TEX11: variants seen among roughly 807,000 people sequenced by gnomAD.
TEX11 encodes the protein testis-expressed protein 11.
In TEX11, 7 loss-of-function variants were observed where a neutral mutation model predicts 84.4. The observed-to-expected ratio is 0.08, with a 90% CI of 0.05 to 0.16. The LOEUF (loss-of-function observed/expected upper bound fraction) is 0.16. Ranked by LOEUF, TEX11 falls within the 10% of genes least tolerant of loss-of-function variation. The pLI is 1.00. For missense variants in TEX11, 551 were observed against 660.5 expected, an observed-to-expected ratio of 0.83 and a Z score of 1.82; for synonymous variants, 264 against 222.8, an observed-to-expected ratio of 1.18 and a Z score of -1.64.
chrX:70,607,165 T>G, intron 22 of TEX11, 136 bp from the exon 23 acceptor site: 3 of 439,041 alleles, frequency 6.8e-6, no homozygotes, highest in Non-Finnish European at 7.2e-6. Flanking sequence ...TTTAAACAAT[T>G]AACTTTAGGT....
chrX:70,749,217 CTGTT>C (rs1300766685), intron 9 of TEX11, among the ~76,000 whole-genome samples: 1 of 107,786 alleles, frequency 9.3e-6, no homozygotes, highest in Non-Finnish European at 1.9e-5. Flanking sequence ...ATTTGGCTCT[CTGTT>C]TGTCTGTTGT....
intron 11 of TEX11, among the ~76,000 whole-genome samples, chrX:70,734,030 C>T (rs1335153769): frequency 1.8e-5 from 2 of 110,787 alleles, no homozygotes; most frequent in Admixed American, 1.9e-4. Flanking sequence ...TGGAAACCAT[C>T]ATTCTCAGCA....
chrX:70,750,665 G>A (rs1415517604), intron 9 of TEX11, among the ~76,000 whole-genome samples: 12 of 98,621 alleles, frequency 1.2e-4, no homozygotes, highest in African/African-American at 1.5e-4. Flanking sequence ...GTAAACTATC[G>A]CAAGAACAAA....
intron 13 of TEX11, among the ~76,000 whole-genome samples, chrX:70,687,781 G>C (rs1191614974): frequency 9.1e-6 from 1 of 110,480 alleles, no homozygotes; most frequent in Non-Finnish European, 1.9e-5. Context: ...ATGTGTTTGA[G>C]GCTGCAGTGA....
Position 70,639,101 on chromosome X carries a change from C to T in TEX11, c.1484-9366G>A, listed in dbSNP as rs186702473. ...CAGGGCGAGGCATTGCCTCACTCGG[C>T]GGGGGGAAGCGCAAGGGGTCAGGGA... On this transcript the variant is annotated intron_variant, in intron 17 of 29. Coordinates refer to ENST00000374333, the MANE Select transcript of TEX11 (RefSeq NM_031276.3). Among the ~76,000 whole-genome samples, 710 of 111,539 alleles carry T rather than the reference C, an allele frequency of 6.4e-3. 8 individuals are homozygous for T. Among genetic ancestry groups the T allele is most frequent in the East Asian group, 0.012 (40 of 3,464 alleles).
intron 9 of TEX11, among the ~76,000 whole-genome samples, chrX:70,764,374 G>T (rs1375415745): frequency 9.0e-6 from 1 of 111,239 alleles, no homozygotes; most frequent in Non-Finnish European, 1.9e-5. Flanking sequence ...CATCAAAAAA[G>T]AAGAAAATTT....
intron 17 of TEX11, among the ~76,000 whole-genome samples, chrX:70,637,968 TA>T (rs201547593): frequency 1.1e-4 from 11 of 97,144 alleles, no homozygotes; most frequent in East Asian, 3.1e-4. Context: ...TCTTCCTCAA[TA>T]AAAAAAAAAG....
intron 28 of TEX11, among the ~76,000 whole-genome samples, chrX:70,551,749 C>G (rs922068252): frequency 9.0e-6 from 1 of 111,500 alleles, no homozygotes; most frequent in Non-Finnish European, 1.9e-5. Flanking sequence ...TACAGGTCTT[C>G]AATGTTCCTT....
intron 24 of TEX11, among the ~76,000 whole-genome samples, chrX:70,595,942 G>T (rs1344894568): frequency 9.1e-6 from 1 of 110,146 alleles, no homozygotes; most frequent in African/African-American, 3.3e-5. Context: ...GATGGAAAAA[G>T]TTATGTTATG....
chrX:70,703,774 A>G (rs2090345360), intron 13 of TEX11, among the ~76,000 whole-genome samples: 1 of 111,774 alleles, frequency 8.9e-6, no homozygotes, highest in Non-Finnish European at 1.9e-5. Flanking sequence ...TAGATAGGCC[A>G]TATGTATCGC....
chrX:70,682,571 G>A (rs1300019360), intron 14 of TEX11, 103 bp downstream of exon 14: 1 of 891,080 alleles, frequency 1.1e-6, no homozygotes, highest in Non-Finnish European at 1.6e-6. Flanking sequence ...AAAAAAGGAA[G>A]TGGAAGAAAT....
At chrX:70,801,435 C>A (rs2091186807) in intron 9 of TEX11, among the ~76,000 whole-genome samples, 1 of 111,255 alleles carries the variant, frequency 9.0e-6, no homozygotes, top group Non-Finnish European at 1.9e-5. Flanking sequence ...CTTCCTGGAG[C>A]TCTGGATGCT....
chrX:70,745,787 C>T (rs909441650), intron 9 of TEX11, among the ~76,000 whole-genome samples: 1 of 111,821 alleles, frequency 8.9e-6, no homozygotes, highest in African/African-American at 3.2e-5. Flanking sequence ...CCAGAACTAC[C>T]AAACTGAGTT....
intron 9 of TEX11, among the ~76,000 whole-genome samples, chrX:70,797,744 G>A (rs1460919988): frequency 9.6e-6 from 1 of 104,375 alleles, no homozygotes; most frequent in Non-Finnish European, 2.0e-5. Context: ...CAGAATAAAG[G>A]ATAAAAATCA....
chrX:70,746,929 C>T (rs1277097623), intron 9 of TEX11, among the ~76,000 whole-genome samples: 1 of 112,241 alleles, frequency 8.9e-6, no homozygotes, highest in Non-Finnish European at 1.9e-5. Context: ...AAAAGCATTA[C>T]CCAAGGCATA....
intron 11 of TEX11, among the ~76,000 whole-genome samples, chrX:70,730,923 T>A (rs1396333706): frequency 8.9e-6 from 1 of 111,830 alleles, no homozygotes; most frequent in African/African-American, 3.3e-5. Context: ...CCTCAGCAAA[T>A]GTAAAACAAC....
At chrX:70,548,076 T>C (rs776889215) in intron 28 of TEX11, among the ~76,000 whole-genome samples, 1 of 111,656 alleles carries the variant, frequency 9.0e-6, no homozygotes, top group East Asian at 2.8e-4. Flanking sequence ...CACCATGGAA[T>C]ACTATGCAGC....
intron 25 of TEX11, among the ~76,000 whole-genome samples, chrX:70,570,856 A>G (rs1361625174): frequency 9.0e-6 from 1 of 111,358 alleles, no homozygotes; most frequent in Non-Finnish European, 1.9e-5. Flanking sequence ...TATCCTTTTT[A>G]TTGTGATTTT....
At chrX:70,541,689 C>T (rs1452068920) in intron 28 of TEX11, among the ~76,000 whole-genome samples, 8 of 111,301 alleles carry the variant, frequency 7.2e-5, no homozygotes, top group Admixed American at 4.8e-4. Flanking sequence ...ACCTGGGAGG[C>T]GGAGGTTGCA....
Sources: gnomAD v4.1 joint callset for allele counts (sites outside exome capture counted in the v4.1 genomes callset) on GRCh38, gnomAD v4.1.1 for gene constraint, MANE v1.5 for transcripts, NCBI Gene and HGNC (gene_info 2026-07-23, HGNC 2026-07-21) for gene names.